TENM2: variants seen among roughly 807,000 people sequenced by gnomAD.
TENM2 encodes the protein teneurin-2.
In TENM2, 52 loss-of-function variants were observed where a neutral mutation model predicts 245.2. The observed-to-expected ratio is 0.21, with a 90% CI of 0.17 to 0.27. The LOEUF (loss-of-function observed/expected upper bound fraction) is 0.27, where lower values mean the gene tolerates loss of function less well. Among genes scored for constraint, TENM2 ranks in the 10% least tolerant of loss-of-function variants. The pLI is 1.00. For missense variants in TENM2, 3,046 were observed against 3,666.8 expected (o/e 0.83, Z 4.37); for synonymous variants, 1,363 against 1,438.9 (o/e 0.95, Z 1.19).
chr5:167,560,231 A>G (rs1773500028), intron 2 of TENM2, among the ~76,000 whole-genome samples: 1 of 152,218 alleles, frequency 6.6e-6, no homozygotes, highest in African/African-American at 2.4e-5. Context: ...ACTCTTGTGT[A>G]CATTGAAGGC....
the TENM2 span, among the ~76,000 whole-genome samples, chr5:167,050,778 A>T: frequency 1.3e-5 from 2 of 152,114 alleles, no homozygotes; most frequent in African/African-American, 4.8e-5. Context: ...GTGAGAGTGA[A>T]CATTTGCCCA....
intron 2 of TENM2, among the ~76,000 whole-genome samples, chr5:167,505,642 A>AG (rs1562010007): frequency 1.3e-5 from 2 of 152,292 alleles, no homozygotes; most frequent in East Asian, 3.9e-4. Context: ...GTACAAACTG[A>AG]GTACCTATTC....
chr5:167,937,431 C>T (rs556547877), intron 3 of TENM2, among the ~76,000 whole-genome samples: 3 of 152,226 alleles, frequency 2.0e-5, no homozygotes, highest in South Asian at 2.1e-4. Context: ...TGTAACATCA[C>T]GGGAAACTGG....
At chr5:167,327,412 A>G (rs1757154072) in intron 1 of TENM2, among the ~76,000 whole-genome samples, 1 of 152,372 alleles carries the variant, frequency 6.6e-6, no homozygotes, top group South Asian at 2.1e-4. Flanking sequence ...ATGAGTTTGT[A>G]GTTCAATTGG....
In TENM2 at chr5:167,630,471, A is replaced by G. The variant is rs965041737; in HGVS notation, c.503-245515A>G. The stretch of plus-strand genomic sequence containing the variant: ...TAATGTTACACAATTTAAAGCTTAT[A>G]AACTGCTTATTTTTCGAATTTTTCA... On this transcript the variant is annotated intron_variant, in intron 2 of 28. Transcript: ENST00000518659. 1.4e-4 allele frequency among the ~76,000 whole-genome samples: 22 copies of G among 152,292 alleles called. 1 individual carries two copies. The highest frequency in any genetic ancestry group is 9.2e-4 in the Admixed American group (14 of 15,296).
chr5:167,261,047 G>A, the TENM2 span, among the ~76,000 whole-genome samples: 2 of 152,284 alleles, frequency 1.3e-5, no homozygotes, highest in Middle Eastern at 3.4e-3. Flanking sequence ...GGTTCTCAAA[G>A]TATGGTCCCA....
chr5:168,035,506 A>G (rs1389996239), intron 5 of TENM2, among the ~76,000 whole-genome samples: 2 of 152,148 alleles, frequency 1.3e-5, no homozygotes, highest in African/African-American at 4.8e-5. Context: ...CAAAAAAAAA[A>G]AAAAAAAAAA....
chr5:167,530,381 A>G (rs1771409803), intron 2 of TENM2, among the ~76,000 whole-genome samples: 1 of 152,192 alleles, frequency 6.6e-6, no homozygotes, highest in African/African-American at 2.4e-5. Context: ...GTTTGTGCAA[A>G]CTGCAGGCAC....
intron 2 of TENM2, among the ~76,000 whole-genome samples, chr5:167,548,776 A>T (rs1562046088): frequency 1.3e-5 from 2 of 152,222 alleles, no homozygotes. Flanking sequence ...ACACACATGC[A>T]CAGACACACA....
At chr5:168,238,028 G>C (rs1055467787) in intron 25 of TENM2, among the ~76,000 whole-genome samples, 2 of 150,764 alleles carry the variant, frequency 1.3e-5, no homozygotes. Context: ...GCCTGTAGTC[G>C]CAGCTACTCA....
At chr5:167,108,097 T>C in the TENM2 span, among the ~76,000 whole-genome samples, 1 of 152,196 alleles carries the variant, frequency 6.6e-6, no homozygotes, top group African/African-American at 2.4e-5. Flanking sequence ...TACACATTAT[T>C]TCTCTCTTAC....
intron 2 of TENM2, among the ~76,000 whole-genome samples, chr5:167,684,715 G>A (rs532574651): frequency 9.2e-5 from 14 of 152,194 alleles, no homozygotes; most frequent in Admixed American, 4.6e-4. Flanking sequence ...ACGAACAGTC[G>A]TATTTGTTGT....
chr5:168,142,819 A>G (rs992555486), intron 12 of TENM2, among the ~76,000 whole-genome samples: 3 of 152,194 alleles, frequency 2.0e-5, no homozygotes, highest in Non-Finnish European at 2.9e-5. Context: ...TACTATTCAG[A>G]AAAGTCCTAA....
the TENM2 span, among the ~76,000 whole-genome samples, chr5:167,154,210 T>C: frequency 2.0e-5 from 3 of 152,252 alleles, no homozygotes; most frequent in Non-Finnish European, 4.4e-5. Flanking sequence ...GCCTTTCTTT[T>C]GTATGAAAAT....
chr5:167,153,196 T>C, the TENM2 span, among the ~76,000 whole-genome samples: 6 of 151,918 alleles, frequency 3.9e-5, no homozygotes, highest in South Asian at 1.0e-3. Flanking sequence ...AATCCCCACA[T>C]ACCTTTTGAC....
intron 2 of TENM2, among the ~76,000 whole-genome samples, chr5:167,434,404 C>A (rs1764420317): frequency 1.4e-5 from 1 of 73,576 alleles, no homozygotes; most frequent in Non-Finnish European, 2.3e-5. Flanking sequence ...CAGTGAAAGA[C>A]TCTATCTCAA....
intron 2 of TENM2, among the ~76,000 whole-genome samples, chr5:167,468,892 G>T (rs1766835381): frequency 6.6e-6 from 1 of 152,108 alleles, no homozygotes; most frequent in African/African-American, 2.4e-5. Flanking sequence ...TGACACTTCT[G>T]TGATAGAAGA....
chr5:168,195,572 G>A (rs1234231752), intron 15 of TENM2, among the ~76,000 whole-genome samples: 26 of 123,858 alleles, frequency 2.1e-4, no homozygotes, highest in African/African-American at 8.7e-4. Context: ...GTGTGTGTGT[G>A]TGTGTGTGTG....
chr5:168,256,421 T>G (rs1767665349), intron 27 of TENM2, among the ~76,000 whole-genome samples: 1 of 140,302 alleles, frequency 7.1e-6, no homozygotes, highest in Non-Finnish European at 1.5e-5. Context: ...ATTTCAAACT[T>G]GTATTCTTTT....
Sources: allele counts gnomAD v4.1 joint callset (sites outside exome capture counted in the v4.1 genomes callset), GRCh38; gene constraint gnomAD v4.1.1; transcripts MANE v1.5; gene names NCBI Gene and HGNC (gene_info 2026-07-23, HGNC 2026-07-21).